Variants in DTL observed in about 807,000 individuals in gnomAD.
The protein encoded by DTL is denticleless protein homolog.
A neutral mutation model predicts 87.0 loss-of-function variants in DTL; 46 were observed. The ratio of observed to expected loss-of-function variants is 0.53; its 90% CI spans 0.42 to 0.68. The LOEUF (loss-of-function observed/expected upper bound fraction) is 0.68. Ranked by LOEUF, DTL falls within the 30% of genes least tolerant of loss-of-function variation. The pLI, the probability that DTL is intolerant of heterozygous loss-of-function variation, is 0.00. For synonymous variants in DTL, 308 were observed against 311.2 expected (o/e 0.99, Z 0.11); for missense variants, 737 against 869.4 (o/e 0.85, Z 1.91).
At chr1:212,091,642 A>G (rs1424416716) in intron 13 of DTL, among the ~76,000 whole-genome samples, 6 of 152,246 alleles carry the variant, frequency 3.9e-5, no homozygotes, top group Admixed American at 1.3e-4. Flanking sequence ...TTGCAACAAC[A>G]GGGATGAACC....
rs148195978 is a variant in DTL at position 212,080,061 on chromosome 1, G to A, written c.1126-554G>A. On this transcript the variant is annotated intron_variant, in intron 12 of 14. Coordinates refer to ENST00000366991, the MANE Select transcript of DTL (RefSeq NM_016448.4). ...TATTTTTTAACTTCTTTCAGCCTAG[G>A]GAACTTGTTGTTTTCCCAGATTGCT... is the stretch of plus-strand genomic sequence containing the variant. Among the ~76,000 whole-genome samples the A allele has an allele frequency of 1.2e-4, 19 of 152,242 alleles. No individual in the cohort carries two copies. The East Asian group carries it at 3.7e-3, about 29-fold the overall frequency.
chr1:212,037,860 C>T (rs1180270597), intron 1 of DTL, among the ~76,000 whole-genome samples: 3 of 152,222 alleles, frequency 2.0e-5, no homozygotes, highest in Non-Finnish European at 4.4e-5. Context: ...TATGGCAGCT[C>T]ACTGAGCCCT....
chr1:212,053,496 ATTTG>A (rs147463987), intron 5 of DTL, among the ~76,000 whole-genome samples: 33 of 152,000 alleles, frequency 2.2e-4, no homozygotes, highest in Middle Eastern at 3.4e-3. Context: ...GCTGACCTTC[ATTTG>A]TTTGTTTGTT....
At chr1:212,045,330 CTG>C (rs1244589934) in intron 3 of DTL, among the ~76,000 whole-genome samples, 1 of 152,218 alleles carries the variant, frequency 6.6e-6, no homozygotes. Flanking sequence ...CTGTCAATAA[CTG>C]TTAACTGTGA....
chr1:212,041,935 C>A (rs975613814), intron 1 of DTL, among the ~76,000 whole-genome samples: 1 of 152,164 alleles, frequency 6.6e-6, no homozygotes, highest in Non-Finnish European at 1.5e-5. Context: ...TCTGTTGATT[C>A]ATTCAGATTA....
chr1:212,075,890 C>G (rs1330256316), intron 11 of DTL, among the ~76,000 whole-genome samples: 1 of 152,178 alleles, frequency 6.6e-6, no homozygotes, highest in Non-Finnish European at 1.5e-5. Context: ...CCCTCTTCCT[C>G]CCCAACACCT....
chr1:212,065,123 A>C (rs571595893), intron 7 of DTL, 94 bp downstream of exon 7: 1 of 920,116 alleles, frequency 1.1e-6, no homozygotes, highest in Non-Finnish European at 1.7e-6. Flanking sequence ...AATCTTCATG[A>C]TTCTCATTTG....
intron 3 of DTL, among the ~76,000 whole-genome samples, chr1:212,046,131 A>AAT (rs1394218195): frequency 6.6e-6 from 1 of 152,082 alleles, no homozygotes; most frequent in Non-Finnish European, 1.5e-5. Flanking sequence ...CATTGTAGAG[A>AAT]ATATATTACT....
chr1:212,050,301 C>A (rs1484661489), intron 5 of DTL, among the ~76,000 whole-genome samples: 2 of 152,278 alleles, frequency 1.3e-5, no homozygotes, highest in South Asian at 2.1e-4. Context: ...TTCCACCCTA[C>A]ATAGGTAGGA....
Position 212,068,225 on chromosome 1 carries a change from A to G in DTL, c.715A>G (p.Ile239Val). 6.3e-7 allele frequency: 1 copy of G among 1,594,906 alleles called. No homozygotes were observed. Among genetic ancestry groups the G allele is most frequent in the South Asian group, 1.1e-5 (1 of 87,422 alleles). Residue 239 changes from isoleucine to valine, a missense_variant and splice_region_variant, in exon 9 of 15, where the codon ATA (isoleucine) becomes GTA (valine). Ile to Val is a conservative substitution (Grantham distance 29). Transcript: ENST00000366991. The part of the protein sequence containing the change: ...TLVSAGAVDG[I>V]IKVWDLRKNY... ...ATATTTATTTGCCTTGGTTTTTAGG[A>G]TAATCAAAGTATGGGATTTACGTAA...
intron 5 of DTL, among the ~76,000 whole-genome samples, chr1:212,055,283 G>A (rs1042910430): frequency 2.6e-5 from 4 of 152,140 alleles, no homozygotes; most frequent in Non-Finnish European, 5.9e-5. Flanking sequence ...TACCCACTGT[G>A]AACCCTAATA....
At chr1:212,078,093 GAC>G in intron 11 of DTL, 78 bp from the exon 12 acceptor site, 1 of 860,768 alleles carries the variant, frequency 1.2e-6, no homozygotes, top group Non-Finnish European at 1.9e-6. Flanking sequence ...AGCTCTCTAA[GAC>G]ACACTTCTGA....
intron 2 of DTL, among the ~76,000 whole-genome samples, chr1:212,044,219 G>A (rs1451253074): frequency 6.6e-6 from 1 of 152,214 alleles, no homozygotes; most frequent in Admixed American, 6.5e-5. Flanking sequence ...CCATTGGCCA[G>A]TACCACTCTT....
rs562176570 is a variant in DTL, at chr1:212,102,409, G to A, written c.2095-433G>A. ...AAAGTAGAAACAGTGTGCTGGTCTT[G>A]TAATTTATTTGAAGCTAACATTTCT... is the stretch of plus-strand genomic sequence containing the variant. On this transcript the variant is annotated intron_variant, in intron 14 of 14. Transcript: ENST00000366991. 2.0e-5 allele frequency among the ~76,000 whole-genome samples: 3 copies of A among 152,190 alleles called. No homozygotes were observed. In the South Asian group the frequency reaches 6.2e-4, roughly 32 times the overall value.
chr1:212,095,503 G>T (rs1181600701), intron 13 of DTL, among the ~76,000 whole-genome samples: 1 of 152,050 alleles, frequency 6.6e-6, no homozygotes, highest in East Asian at 1.9e-4. Flanking sequence ...ACCACATCTG[G>T]CTAATTTTTG....
intron 13 of DTL, among the ~76,000 whole-genome samples, chr1:212,096,924 A>G (rs1655468267): frequency 6.6e-6 from 1 of 152,128 alleles, no homozygotes; most frequent in African/African-American, 2.4e-5. Flanking sequence ...CATTGTTTCT[A>G]TGTTGACTTA....
chr1:212,100,311 T>G lies in DTL; in HGVS notation c.1321T>G (p.Ser441Ala). 1 of 1,610,800 alleles carries G rather than the reference T, an allele frequency of 6.2e-7. No individual in the cohort carries two copies. The highest frequency in any genetic ancestry group is 8.5e-7 in the Non-Finnish European group (1 of 1,178,478). ...AGCCCCCAGGGCAAAGTGCAATCCA[T>G]CCAATTCTTCCCCGTCATCCGCAGC... Reference protein sequence around the residue: ...AKAPRAKCNPSNSSPSSAACA... With the variant: ...AKAPRAKCNPANSSPSSAACA... The change falls in exon 14 of 15, where the codon TCC becomes GCC. Residue 441 changes from serine to alanine, a missense_variant. Transcript: ENST00000366991.
At chr1:212,084,123 T>G (rs1164937286) in intron 13 of DTL, among the ~76,000 whole-genome samples, 1 of 152,202 alleles carries the variant, frequency 6.6e-6, no homozygotes, top group African/African-American at 2.4e-5. Flanking sequence ...AGTCTTTTGC[T>G]CTAAGTCTGG....
rs575870548 is a variant in DTL, at chr1:212,095,636, TG to T, written c.1262-4615del. Among the ~76,000 whole-genome samples, 801 of 152,292 alleles carry T rather than the reference TG, an allele frequency of 5.3e-3. 7 individuals are homozygous for T. The highest frequency in any genetic ancestry group is 8.6e-3 in the Non-Finnish European group (584 of 68,020). ...CAGGCATGAGCCACCGCACCCGGCCTGATTTTTGTTTTTAATTCTGTTTATA... is the reference window on the plus strand; with the variant it reads ...CAGGCATGAGCCACCGCACCCGGCCTATTTTTGTTTTTAATTCTGTTTATA... On this transcript the variant is annotated intron_variant, in intron 13 of 14. Coordinates refer to ENST00000366991, the MANE Select transcript of DTL (RefSeq NM_016448.4).
Sources: allele counts gnomAD v4.1 joint callset (sites outside exome capture counted in the v4.1 genomes callset), GRCh38; gene constraint gnomAD v4.1.1; transcripts MANE v1.5; gene names NCBI Gene and HGNC (gene_info 2026-07-23, HGNC 2026-07-21).